Variants in NRG3 observed in about 807,000 individuals in gnomAD.
The protein encoded by NRG3 is pro-neuregulin-3, membrane-bound isoform.
In NRG3, 31 loss-of-function variants were observed where a neutral mutation model predicts 66.9. The ratio of observed to expected loss-of-function variants is 0.46; its 90% CI spans 0.35 to 0.63. NRG3 has a LOEUF of 0.63. Ranked by LOEUF, NRG3 falls within the 20% of genes least tolerant of loss-of-function variation. NRG3 has a pLI of 0.00. For synonymous variants in NRG3, 393 were observed against 359.4 expected (o/e 1.09, Z -1.06); for missense variants, 910 against 878.9 (o/e 1.04, Z -0.45).
At chr10:82,457,270 G>T (rs1214257272) in intron 2 of NRG3, among the ~76,000 whole-genome samples, 2 of 152,138 alleles carry the variant, frequency 1.3e-5, no homozygotes, top group African/African-American at 4.8e-5. Context: ...CCACAGACAG[G>T]TGGTAGGGGA....
intron 1 of NRG3, among the ~76,000 whole-genome samples, chr10:82,353,142 G>A (rs2083538856): frequency 6.6e-6 from 1 of 152,154 alleles, no homozygotes; most frequent in East Asian, 1.9e-4. Flanking sequence ...CTGAGACTGG[G>A]AGTGCTAAAG....
intron 2 of NRG3, among the ~76,000 whole-genome samples, chr10:82,656,308 C>CTTTTTTTTTTTTTTTTTTTTTTTTTT (rs3040205): frequency 7.6e-6 from 1 of 132,034 alleles, no homozygotes; most frequent in Non-Finnish European, 1.6e-5. Context: ...TTTCTTTTTT[C>CTTTTTTTTTTTTTTTTTTTTTTTTTT]TTTTTTTTTT....
intron 2 of NRG3, among the ~76,000 whole-genome samples, chr10:82,737,696 C>G (rs898696062): frequency 6.6e-6 from 1 of 152,158 alleles, no homozygotes; most frequent in African/African-American, 2.4e-5. Context: ...CTGTTCAGAG[C>G]CAGGCGTCTG....
At chr10:82,826,212 A>G (rs1342119591) in intron 3 of NRG3, among the ~76,000 whole-genome samples, 1 of 152,188 alleles carries the variant, frequency 6.6e-6, no homozygotes, top group Non-Finnish European at 1.5e-5. Flanking sequence ...CTGTGCTTTC[A>G]TTTTACATAA....
At chr10:82,791,065 T>G (rs1232781257) in intron 3 of NRG3, among the ~76,000 whole-genome samples, 3 of 151,300 alleles carry the variant, frequency 2.0e-5, no homozygotes, top group Admixed American at 1.3e-4. Flanking sequence ...TGACTTAAAG[T>G]TTTTTTTTAT....
intron 1 of NRG3, among the ~76,000 whole-genome samples, chr10:82,144,445 C>A (rs1368731061): frequency 6.6e-6 from 1 of 152,200 alleles, no homozygotes; most frequent in Non-Finnish European, 1.5e-5. Context: ...CCCAGGACAC[C>A]TGGCCATCTT....
intron 2 of NRG3, among the ~76,000 whole-genome samples, chr10:82,565,794 C>T (rs549494970): frequency 1.5e-4 from 23 of 152,024 alleles, no homozygotes; most frequent in South Asian, 6.2e-4. Flanking sequence ...TTCATTCCAG[C>T]GTTGGAAGGT....
At chr10:82,207,222 G>T (rs2075163548) in intron 1 of NRG3, among the ~76,000 whole-genome samples, 1 of 152,140 alleles carries the variant, frequency 6.6e-6, no homozygotes, top group Admixed American at 6.6e-5. Flanking sequence ...TGACAGGGTA[G>T]CAGAGACAGT....
chr10:81,958,517 G>A (rs1007466681), intron 1 of NRG3, among the ~76,000 whole-genome samples: 1 of 152,148 alleles, frequency 6.6e-6, no homozygotes, highest in Non-Finnish European at 1.5e-5. Context: ...CACATAGATG[G>A]TATTGTGCCC....
intron 3 of NRG3, among the ~76,000 whole-genome samples, chr10:82,849,078 G>C (rs2063442259): frequency 6.6e-6 from 1 of 152,120 alleles, no homozygotes; most frequent in Non-Finnish European, 1.5e-5. Flanking sequence ...CTTTAAACAG[G>C]TAATCAAGTT....
chr10:82,144,060 GAAAA>G (rs1049149241), intron 1 of NRG3, among the ~76,000 whole-genome samples: 5 of 146,894 alleles, frequency 3.4e-5, no homozygotes, highest in Admixed American at 6.8e-5. Context: ...AAAAAAAAAA[GAAAA>G]AAAAGAAAGG....
chr10:82,433,093 G>A (rs1050403802), intron 2 of NRG3, among the ~76,000 whole-genome samples: 53 of 152,190 alleles, frequency 3.5e-4, no homozygotes, highest in African/African-American at 1.1e-3. Context: ...GTGTAAAAGC[G>A]TTCCTATTTC....
chr10:82,349,938 G>A (rs1042416413), intron 1 of NRG3, among the ~76,000 whole-genome samples: 135 of 152,138 alleles, frequency 8.9e-4, no homozygotes, highest in African/African-American at 2.3e-3. Flanking sequence ...CACGGTGCGC[G>A]CACCCACTGA....
intron 1 of NRG3, among the ~76,000 whole-genome samples, chr10:81,897,911 C>A (rs996829233): frequency 6.6e-6 from 1 of 152,060 alleles, no homozygotes; most frequent in African/African-American, 2.4e-5. Flanking sequence ...TTTAATCCAG[C>A]GTGCATTTTT....
intron 1 of NRG3, among the ~76,000 whole-genome samples, chr10:81,899,506 G>C (rs1315533659): frequency 6.6e-6 from 1 of 152,220 alleles, no homozygotes; most frequent in Non-Finnish European, 1.5e-5. Context: ...GCTTGGGGTT[G>C]GGCATTGTCC....
chr10:82,621,649 G>A (rs1265264627), intron 2 of NRG3, among the ~76,000 whole-genome samples: 1 of 152,200 alleles, frequency 6.6e-6, no homozygotes, highest in Non-Finnish European at 1.5e-5. Flanking sequence ...GGGGGAGATA[G>A]TAAAAATATC....
At position 82,027,259 on chromosome 10, in the gene NRG3, A is replaced by G. The variant is rs2062355527; in HGVS notation, c.823+151096A>G. On this transcript the variant is annotated intron_variant, in intron 1 of 8. Coordinates refer to ENST00000372141, the MANE Select transcript of NRG3 (RefSeq NM_001010848.4). The stretch of plus-strand genomic sequence containing the variant: ...ACTAAGCAAAGTATAAGTAAAGGGA[A>G]TATTACAGAAAGGTAAATGTCAGTG... Among the ~76,000 whole-genome samples, 2 of 152,116 alleles carry G rather than the reference A, an allele frequency of 1.3e-5. 1 individual carries two copies. Among genetic ancestry groups the G allele is most frequent in the South Asian group, 4.1e-4 (2 of 4,824 alleles).
chr10:82,471,007 G>A (rs1841202386), intron 2 of NRG3, among the ~76,000 whole-genome samples: 1 of 152,090 alleles, frequency 6.6e-6, no homozygotes, highest in Non-Finnish European at 1.5e-5. Flanking sequence ...GCACCTCTCT[G>A]TGCAAGAGCT....
At chr10:82,247,365 A>G (rs2134060534) in intron 1 of NRG3, among the ~76,000 whole-genome samples, 1 of 152,250 alleles carries the variant, frequency 6.6e-6, no homozygotes. Flanking sequence ...TGGGCTGCAG[A>G]CGGCCACCTT....
Sources: allele counts gnomAD v4.1 joint callset (sites outside exome capture counted in the v4.1 genomes callset), GRCh38; gene constraint gnomAD v4.1.1; transcripts MANE v1.5; gene names NCBI Gene and HGNC (gene_info 2026-07-23, HGNC 2026-07-21).